The following POC1A variants were observed in gnomAD, a reference collection of about 807,000 sequenced individuals.
The protein encoded by POC1A is POC1 centriolar protein homolog A.
In POC1A, 34 loss-of-function variants were observed where a neutral mutation model predicts 47.8. The observed-to-expected ratio is 0.71, with a 90% CI of 0.54 to 0.95. The LOEUF (loss-of-function observed/expected upper bound fraction) is 0.95. Ranked by LOEUF, POC1A falls within the 40% of genes least tolerant of loss-of-function variation. POC1A has a pLI of 0.00. For missense variants in POC1A, 466 were observed against 528.3 expected, an observed-to-expected ratio of 0.88 and a Z score of 1.16; for synonymous variants, 177 against 207.6, an observed-to-expected ratio of 0.85 and a Z score of 1.27.
chr3:52,148,808 C>T (rs1206606054), intron 4 of POC1A, among the ~76,000 whole-genome samples: 2 of 152,242 alleles, frequency 1.3e-5, no homozygotes, highest in Non-Finnish European at 2.9e-5. Context: ...TCTGAGCCCC[C>T]ATTTCCTCAT....
chr3:52,115,757 T>C (rs1703540970), intron 9 of POC1A, among the ~76,000 whole-genome samples: 1 of 152,124 alleles, frequency 6.6e-6, no homozygotes. Context: ...CACCAGACAC[T>C]AAACCCGTTG....
chr3:52,128,002 G>A (rs1704073873), intron 7 of POC1A, among the ~76,000 whole-genome samples: 1 of 152,072 alleles, frequency 6.6e-6, no homozygotes, highest in Admixed American at 6.6e-5. Context: ...GGCCTACTTT[G>A]AATTTTTTAA....
intron 7 of POC1A, among the ~76,000 whole-genome samples, chr3:52,133,399 A>C (rs1182921200): frequency 1.3e-5 from 2 of 152,198 alleles, no homozygotes; most frequent in Non-Finnish European, 2.9e-5. Context: ...ACAGCACAGA[A>C]CAGACTAAGA....
intron 10 of POC1A, among the ~76,000 whole-genome samples, chr3:52,085,644 G>T (rs1702436095): frequency 1.3e-5 from 2 of 152,222 alleles, no homozygotes; most frequent in Admixed American, 1.3e-4. Context: ...GCCACTGAGG[G>T]ATTCCTAGTG....
At chr3:52,128,313 C>G (rs186025381) in intron 7 of POC1A, among the ~76,000 whole-genome samples, 2 of 152,302 alleles carry the variant, frequency 1.3e-5, no homozygotes, top group African/African-American at 4.8e-5. Flanking sequence ...GCAGAACCAA[C>G]AAAACACTCA....
chr3:52,110,557 G>A (rs1352819373), intron 9 of POC1A, among the ~76,000 whole-genome samples: 8 of 152,214 alleles, frequency 5.3e-5, no homozygotes, highest in Admixed American at 3.3e-4. Flanking sequence ...CAAAGCCCTC[G>A]GTTCTTGTGC....
rs979110426 is a variant in POC1A, at chr3:52,075,283, C to G, written c.*604G>C. The stretch of plus-strand genomic sequence containing the variant: ...TGAAGTCAGGTTTAATTTTGAGATT[C>G]CTGTGCCCTCACTCACGCAAGGAGG... On this transcript the variant is annotated 3_prime_UTR_variant, in exon 11 of 11. Coordinates refer to ENST00000296484, the MANE Select transcript of POC1A (RefSeq NM_015426.5). 2 of 152,874 alleles carry G rather than the reference C, an allele frequency of 1.3e-5. No individual in the cohort carries two copies. Among genetic ancestry groups the G allele is most frequent in the South Asian group, 2.1e-4 (1 of 4,852 alleles). 9.5% of individuals were successfully genotyped at this position (152,874 alleles called of 1,614,324 possible).
At chr3:52,115,794 C>T (rs1429563253) in intron 9 of POC1A, among the ~76,000 whole-genome samples, 1 of 152,038 alleles carries the variant, frequency 6.6e-6, no homozygotes, top group Non-Finnish European at 1.5e-5. Context: ...TCCCAGCCTC[C>T]AGAACTGTGA....
intron 8 of POC1A, 51 bp downstream of exon 8, chr3:52,125,062 A>G: frequency 7.2e-7 from 1 of 1,382,578 alleles, no homozygotes; most frequent in Non-Finnish European, 1.0e-6. Flanking sequence ...CTGAGCAGAA[A>G]TCAGCTCAGA....
At chr3:52,141,276 AC>A (rs1698184827) in intron 6 of POC1A, among the ~76,000 whole-genome samples, 1 of 152,218 alleles carries the variant, frequency 6.6e-6, no homozygotes, top group South Asian at 2.1e-4. Context: ...ACCTAGGCCC[AC>A]TACCTAACGG....
intron 1 of POC1A, among the ~76,000 whole-genome samples, chr3:52,152,478 G>A (rs879676747): frequency 1.3e-5 from 2 of 152,048 alleles, no homozygotes; most frequent in East Asian, 3.9e-4. Flanking sequence ...GCTAAGGCAG[G>A]AGAATCGCTT....
intron 9 of POC1A, among the ~76,000 whole-genome samples, chr3:52,120,483 A>G (rs1703738394): frequency 6.6e-6 from 1 of 152,248 alleles, no homozygotes; most frequent in Non-Finnish European, 1.5e-5. Context: ...TTTTAGGATT[A>G]ACAAGTCACT....
intron 6 of POC1A, among the ~76,000 whole-genome samples, chr3:52,143,856 C>T (rs1312420250): frequency 6.6e-6 from 1 of 152,210 alleles, no homozygotes. Flanking sequence ...CCAATCAGGC[C>T]ACATCTTTGG....
chr3:52,149,022 G>C (rs1310724828), intron 4 of POC1A, among the ~76,000 whole-genome samples, 188 bp downstream of exon 4: 1 of 152,196 alleles, frequency 6.6e-6, no homozygotes, highest in Non-Finnish European at 1.5e-5. Flanking sequence ...GCTCCATGAA[G>C]CTTCTCGACA....
At chr3:52,133,581 A>T (rs1704319442) in intron 7 of POC1A, among the ~76,000 whole-genome samples, 1 of 152,082 alleles carries the variant, frequency 6.6e-6, no homozygotes, top group Admixed American at 6.5e-5. Context: ...CCAGGGCTAC[A>T]CTGGGTGATA....
At chr3:52,091,260 G>T (rs192007879) in intron 10 of POC1A, among the ~76,000 whole-genome samples, 45 of 152,080 alleles carry the variant, frequency 3.0e-4, no homozygotes, top group Non-Finnish European at 5.9e-4. Flanking sequence ...CGGGGAGCTC[G>T]CAGCATGTGA....
At chr3:52,096,750 G>A in intron 9 of POC1A, 38 bp from the exon 10 acceptor site, 1 of 1,514,174 alleles carries the variant, frequency 6.6e-7, no homozygotes. Context: ...AGTCTATCCA[G>A]TGCTTGAAGA....
chr3:52,097,313 G>A (rs550344799), intron 9 of POC1A, among the ~76,000 whole-genome samples: 1 of 152,362 alleles, frequency 6.6e-6, no homozygotes, highest in African/African-American at 2.4e-5. Flanking sequence ...ATTTCTGTGT[G>A]CATGTCCCAG....
intron 4 of POC1A, among the ~76,000 whole-genome samples, chr3:52,148,114 C>A (rs952836256): frequency 4.6e-5 from 7 of 152,244 alleles, no homozygotes; most frequent in African/African-American, 1.7e-4. Flanking sequence ...CAAAAGCTCA[C>A]CATCAGTGTC....
Sources: gnomAD v4.1 joint callset for allele counts (sites outside exome capture counted in the v4.1 genomes callset) on GRCh38, gnomAD v4.1.1 for gene constraint, MANE v1.5 for transcripts, NCBI Gene and HGNC (gene_info 2026-07-23, HGNC 2026-07-21) for gene names.